Variants in FBN1 observed in about 807,000 individuals in gnomAD.
FBN1 encodes the protein fibrillin-1.
FBN1 carries 29 observed loss-of-function variants against 365.1 expected under a neutral mutation model. The ratio of observed to expected loss-of-function variants is 0.08; its 90% CI spans 0.06 to 0.11. The LOEUF is 0.11. Ranked by LOEUF, FBN1 falls within the 10% of genes least tolerant of loss-of-function variation. FBN1 has a pLI of 1.00. For missense variants in FBN1, 2,476 were observed against 3,703.2 expected, an observed-to-expected ratio of 0.67 and a Z score of 8.60; for synonymous variants, 1,210 against 1,270.5, an observed-to-expected ratio of 0.95 and a Z score of 1.01.
At position 48,474,279 on chromosome 15, in the gene FBN1, T is replaced by C. The variant is rs2043401583; in HGVS notation, c.4186A>G (p.Thr1396Ala). ...SYRCLCKEGY[T>A]GDGFTCTDLD... ...CCTGTACAAGTGAAGCCATCACCTGTGTATCCTTCCTTGCACAGACAGCGG... is the reference window on the plus strand; with the variant it reads ...CCTGTACAAGTGAAGCCATCACCTGCGTATCCTTCCTTGCACAGACAGCGG... Residue 1396 changes from threonine (T) to alanine (A), a missense_variant, in exon 34 of 66, where the codon ACA becomes GCA. Coordinates refer to ENST00000316623, the MANE Select transcript of FBN1 (RefSeq NM_000138.5). 5 of 1,614,134 alleles carry C rather than the reference T, an allele frequency of 3.1e-6. No individual in the cohort carries two copies. Among genetic ancestry groups the C allele is most frequent in the Non-Finnish European group, 4.2e-6 (5 of 1,179,984 alleles).
intron 63 of FBN1, among the ~76,000 whole-genome samples, chr15:48,417,976 C>T (rs1435071371): frequency 2.0e-5 from 3 of 152,162 alleles, no homozygotes; most frequent in Non-Finnish European, 4.4e-5. Context: ...TTGCTGGGAC[C>T]CTGACTAATA....
rs1430151095 is a variant in FBN1 at position 48,410,278 on chromosome 15, T to C, written c.*712A>G. Reference sequence around the variant, plus strand: ...CAGTCACCGAAATTTCATTACCACTTGGTGTATACATTTAACAAGTCTTTG... The same window carrying C: ...CAGTCACCGAAATTTCATTACCACTCGGTGTATACATTTAACAAGTCTTTG... On this transcript the variant is annotated 3_prime_UTR_variant, in exon 66 of 66. Transcript: ENST00000316623. 1 of 152,690 alleles carries C rather than the reference T, an allele frequency of 6.5e-6. No homozygotes were observed. The highest frequency in any genetic ancestry group is 1.5e-5 in the Non-Finnish European group (1 of 68,070). The allele number at this position is 152,690 out of a possible 1,614,324, so 9.5% of individuals were successfully genotyped here. A position where few individuals can be genotyped will look rare whatever the true frequency, so the allele number is the denominator to read the frequency against.
intron 7 of FBN1, among the ~76,000 whole-genome samples, chr15:48,534,503 C>T (rs1045283482): frequency 6.6e-6 from 1 of 152,124 alleles, no homozygotes; most frequent in African/African-American, 2.4e-5. Flanking sequence ...AGCACATATG[C>T]AGCAAAGTAT....
At chr15:48,546,439 C>T (rs1350621881) in intron 6 of FBN1, among the ~76,000 whole-genome samples, 1 of 152,192 alleles carries the variant, frequency 6.6e-6, no homozygotes, top group Non-Finnish European at 1.5e-5. Flanking sequence ...CATCTAAGCG[C>T]TTTCTAAGTA....
At chr15:48,617,851 T>C (rs1200947280) in intron 2 of FBN1, among the ~76,000 whole-genome samples, 1 of 152,228 alleles carries the variant, frequency 6.6e-6, no homozygotes, top group Middle Eastern at 3.2e-3. Context: ...AGCCCACTTC[T>C]GCAATTTGGC....
chr15:48,477,115 A>G (rs1299844765), intron 32 of FBN1, among the ~76,000 whole-genome samples: 1 of 152,152 alleles, frequency 6.6e-6, no homozygotes, highest in Non-Finnish European at 1.5e-5. Flanking sequence ...CAGTTTTCTA[A>G]TGACCAGAGG....
intron 43 of FBN1, among the ~76,000 whole-genome samples, chr15:48,459,097 C>G (rs1432317125): frequency 2.6e-5 from 4 of 152,224 alleles, no homozygotes; most frequent in African/African-American, 4.8e-5. Flanking sequence ...AAGTCTGAAG[C>G]CTTTCCAGCT....
At chr15:48,477,658 A>C (rs2043431453) in intron 32 of FBN1, among the ~76,000 whole-genome samples, 2 of 152,220 alleles carry the variant, frequency 1.3e-5, no homozygotes, top group Non-Finnish European at 2.9e-5. Flanking sequence ...GCTGTATTGA[A>C]ACACTCTTCA....
In FBN1 at chr15:48,421,688, T is replaced by C; in HGVS notation, c.7571-2A>G. The C allele has an allele frequency of 1.2e-6, 2 of 1,613,224 alleles. No homozygotes were observed. Among genetic ancestry groups the C allele is most frequent in the Non-Finnish European group, 1.7e-6 (2 of 1,179,790 alleles). ...TGTCAGAGGTGCATTCATTGTTATC[T>C]ATGAGAAGCAGTGGGGGCAAAGAGG... On this transcript the variant is annotated splice_acceptor_variant, in intron 61 of 65. Coordinates refer to ENST00000316623, the MANE Select transcript of FBN1 (RefSeq NM_000138.5). LOFTEE classifies it high-confidence loss of function.
At chr15:48,512,542 T>C (rs1429157521) in intron 13 of FBN1, among the ~76,000 whole-genome samples, 1 of 152,198 alleles carries the variant, frequency 6.6e-6, no homozygotes, top group African/African-American at 2.4e-5. Context: ...TGTGTCACCA[T>C]TTAGCTCCCA....
chr15:48,573,364 C>T (rs2140675432), intron 6 of FBN1, among the ~76,000 whole-genome samples: 1 of 152,230 alleles, frequency 6.6e-6, no homozygotes, highest in East Asian at 1.9e-4. Flanking sequence ...AAAGTGATAG[C>T]TATCACATTG....
At chr15:48,476,596 C>CTTTCT (rs1045286306) in intron 32 of FBN1, among the ~76,000 whole-genome samples, 1 of 142,670 alleles carries the variant, frequency 7.0e-6, no homozygotes, top group Non-Finnish European at 1.5e-5. Context: ...GAGCTTCTTT[C>CTTTCT]TTTCTTTTCT....
At chr15:48,483,140 T>C (rs2043478497) in intron 31 of FBN1, among the ~76,000 whole-genome samples, 2 of 152,046 alleles carry the variant, frequency 1.3e-5, no homozygotes, top group South Asian at 4.1e-4. Context: ...TGACCTAAAA[T>C]AAGGAAGAAA....
intron 12 of FBN1, among the ~76,000 whole-genome samples, chr15:48,514,350 T>C (rs1295464550): frequency 6.6e-6 from 1 of 152,212 alleles, no homozygotes; most frequent in Non-Finnish European, 1.5e-5. Context: ...TCCGCAACCC[T>C]GAGTTAGATG....
chr15:48,498,885 AG>A, intron 18 of FBN1, 99 bp downstream of exon 18: 1 of 1,127,320 alleles, frequency 8.9e-7, no homozygotes, highest in Non-Finnish European at 1.4e-6. Context: ...AGAGGGAGTC[AG>A]GCCAGACTAG....
chr15:48,443,611 C>T (rs912104155), intron 49 of FBN1, among the ~76,000 whole-genome samples: 6 of 151,982 alleles, frequency 3.9e-5, no homozygotes, highest in African/African-American at 9.7e-5. Flanking sequence ...TTCTAATTGA[C>T]GATATTAAAA....
Position 48,613,072 on chromosome 15 carries a change from C to G in FBN1, c.185G>C (p.Arg62Pro). The G allele has an allele frequency of 3.7e-6, 6 of 1,613,238 alleles. No homozygotes were observed. The highest frequency in any genetic ancestry group is 5.1e-6 in the Non-Finnish European group (6 of 1,179,610). The change falls in exon 3 of 66, where the codon CGT becomes CCT. Residue 62 changes from arginine (R) to proline (P), a missense_variant. By Grantham distance (103) the Arg-to-Pro change is moderately radical. Transcript: ENST00000316623. ...ALKGPNVCGS[R>P]YNAYCCPGWK... ...TCCAGGGCAACAGTAAGCATTATAA[C>G]GTGATCCACAGACATTGGGTCTAAA... is the stretch of plus-strand genomic sequence containing the variant.
chr15:48,435,784 GTGTGTGTGTGTGTGTGTGTGTGTGTGTA>G (rs2043066698), intron 53 of FBN1, among the ~76,000 whole-genome samples: 2 of 40,248 alleles, frequency 5.0e-5, no homozygotes, highest in East Asian at 9.2e-4. Flanking sequence ...GTGTGTGTGT[GTGTGTGTGTGTGTGTGTGTGTGTGTGTA>G]TATATGCCTT....
At chr15:48,474,153 T>C (rs2043399928) in intron 34 of FBN1, 102 bp downstream of exon 34, 1 of 1,542,212 alleles carries the variant, frequency 6.5e-7, no homozygotes, top group African/African-American at 1.4e-5. Context: ...ATCTTTTCTA[T>C]TAACTGACCC....
Sources: gnomAD v4.1 joint callset for allele counts (sites outside exome capture counted in the v4.1 genomes callset) on GRCh38, gnomAD v4.1.1 for gene constraint, MANE v1.5 for transcripts, NCBI Gene and HGNC (gene_info 2026-07-23, HGNC 2026-07-21) for gene names.